RABGAP1: variants seen among roughly 807,000 people sequenced by gnomAD.
RABGAP1 encodes the protein RAB GTPase activating protein 1.
In RABGAP1, 23 loss-of-function variants were observed where a neutral mutation model predicts 137.6. The ratio of observed to expected loss-of-function variants is 0.17; its 90% CI spans 0.12 to 0.24. The LOEUF is 0.24. Ranked by LOEUF, RABGAP1 falls within the 10% of genes least tolerant of loss-of-function variation. The pLI, the probability that RABGAP1 is intolerant of heterozygous loss-of-function variation, is 1.00. For missense variants in RABGAP1, 906 were observed against 1,275.8 expected (o/e 0.71, Z 4.42); for synonymous variants, 451 against 450.7 (o/e 1.00, Z -0.01).
At chr9:122,947,711 A>G (rs998280515) in intron 1 of RABGAP1, among the ~76,000 whole-genome samples, 1 of 152,174 alleles carries the variant, frequency 6.6e-6, no homozygotes, top group African/African-American at 2.4e-5. Context: ...CTTGCCTTTA[A>G]GTGCAGGTAG....
At chr9:122,981,770 CG>C (rs1330540846) in intron 2 of RABGAP1, among the ~76,000 whole-genome samples, 2 of 152,076 alleles carry the variant, frequency 1.3e-5, no homozygotes, top group Non-Finnish European at 2.9e-5. Flanking sequence ...GTATGCAGGC[CG>C]GGTGTAGTGG....
At chr9:123,057,016 C>T (rs1160529052) in intron 13 of RABGAP1, among the ~76,000 whole-genome samples, 3 of 152,144 alleles carry the variant, frequency 2.0e-5, no homozygotes, top group Non-Finnish European at 2.9e-5. Flanking sequence ...CGGTGGTGGC[C>T]GGGCAGAGGG....
chr9:122,937,248 T>C (rs1833400266), upstream of RABGAP1, among the ~76,000 whole-genome samples: 1 of 152,210 alleles, frequency 6.6e-6, no homozygotes, highest in Admixed American at 6.5e-5. Flanking sequence ...GAAGCCAAGA[T>C]AGATGTCTGA....
At chr9:122,961,627 C>T (rs1306464887) in intron 2 of RABGAP1, among the ~76,000 whole-genome samples, 2 of 152,178 alleles carry the variant, frequency 1.3e-5, no homozygotes, top group Admixed American at 1.3e-4. Context: ...AGTAATAACA[C>T]TATAAATGCA....
intron 2 of RABGAP1, among the ~76,000 whole-genome samples, chr9:122,970,074 A>ATTTTTTT (rs34261698): frequency 6.3e-5 from 9 of 143,482 alleles, no homozygotes; most frequent in Non-Finnish European, 7.6e-5. Context: ...TATCCGGCTA[A>ATTTTTTT]TTTTTTTTTT....
chr9:123,058,202 C>G (rs1050888733), intron 13 of RABGAP1, among the ~76,000 whole-genome samples: 2 of 152,078 alleles, frequency 1.3e-5, no homozygotes, highest in African/African-American at 4.8e-5. Flanking sequence ...GCTGCATATC[C>G]CAAAGCTGGA....
intron 17 of RABGAP1, among the ~76,000 whole-genome samples, chr9:123,075,488 C>G (rs1232823469): frequency 2.6e-5 from 4 of 152,084 alleles, no homozygotes; most frequent in African/African-American, 9.7e-5. Flanking sequence ...TTCTAAGAAA[C>G]AGAAGAAATA....
intron 1 of RABGAP1, among the ~76,000 whole-genome samples, chr9:122,952,365 T>G (rs1360285101): frequency 6.6e-6 from 1 of 152,028 alleles, no homozygotes; most frequent in African/African-American, 2.4e-5. Context: ...TTCATGCCAT[T>G]CTTCTGCCTC....
intron 4 of RABGAP1, among the ~76,000 whole-genome samples, chr9:122,987,496 A>G (rs144798891): frequency 1.2e-4 from 18 of 152,110 alleles, no homozygotes; most frequent in Non-Finnish European, 2.1e-4. Context: ...ATAATTTACA[A>G]CTGTTAGAAT....
rs1185196137 is a variant in RABGAP1, at chr9:123,090,284, A to T, written c.2527A>T (p.Arg843Trp). The T allele has an allele frequency of 6.2e-7, 1 of 1,611,448 alleles. No homozygotes were observed. The highest frequency in any genetic ancestry group is 1.1e-5 in the South Asian group (1 of 90,144). Residue 843 changes from arginine (R) to tryptophan (W), a missense_variant, in exon 21 of 26, where the codon AGG becomes TGG. Transcript: ENST00000373647. ...DPIERFEREN[R>W]RLQEANMRLE... ...TCTTTCTACCCTTCAGCGGGAGAAT[A>T]GGCGTCTACAAGAAGCTAACATGAG... is the stretch of plus-strand genomic sequence containing the variant.
intron 19 of RABGAP1, 140 bp downstream of exon 19, chr9:123,076,902 AAAT>A: frequency 1.5e-5 from 7 of 466,566 alleles, no homozygotes; most frequent in African/African-American, 4.2e-5. Flanking sequence ...TATAATATAT[AAAT>A]AATATTAATG....
At chr9:123,055,436 T>C (rs2033651905) in intron 13 of RABGAP1, among the ~76,000 whole-genome samples, 1 of 152,126 alleles carries the variant, frequency 6.6e-6, no homozygotes, top group Non-Finnish European at 1.5e-5. Context: ...TTCACCGTGT[T>C]GCCCAGGCTG....
intron 2 of RABGAP1, among the ~76,000 whole-genome samples, chr9:122,972,156 T>C (rs1835503280): frequency 6.6e-6 from 1 of 152,186 alleles, no homozygotes; most frequent in Admixed American, 6.5e-5. Context: ...CTGCCCATTG[T>C]AGTGGCACAT....
chr9:123,001,899 G>A (rs938527132), intron 10 of RABGAP1, among the ~76,000 whole-genome samples: 8 of 152,138 alleles, frequency 5.3e-5, no homozygotes, highest in African/African-American at 1.9e-4. Flanking sequence ...AAAGCACTAA[G>A]TCATGAAATC....
In RABGAP1 at chr9:123,090,340, T is replaced by C. The variant is rs879599898; in HGVS notation, c.2583T>C (p.His861=). Residue 861 remains histidine, a synonymous_variant, in exon 21 of 26, where the codon CAT becomes CAC. Coordinates refer to ENST00000373647, the MANE Select transcript of RABGAP1 (RefSeq NM_012197.4). ...AACAGGAAAACGATGACTTAGCCCATGAGCTGGTGACCAGCAAGATTGCAC... is the reference window on the plus strand; with the variant it reads ...AACAGGAAAACGATGACTTAGCCCACGAGCTGGTGACCAGCAAGATTGCAC... ...RLEQENDDLA[H]ELVTSKIALR... is the part of the protein sequence containing the mutation. 4 of 1,613,482 alleles carry C rather than the reference T, an allele frequency of 2.5e-6. No homozygotes were observed. Among genetic ancestry groups the C allele is most frequent in the South Asian group, 2.2e-5 (2 of 90,754 alleles).
chr9:122,993,144 C>T (rs769283371), intron 6 of RABGAP1, among the ~76,000 whole-genome samples: 1 of 151,938 alleles, frequency 6.6e-6, no homozygotes, highest in African/African-American at 2.4e-5. Flanking sequence ...TTACTTATCC[C>T]CTGTCCAACT....
chr9:123,005,292 T>C (rs1048765955), intron 10 of RABGAP1, among the ~76,000 whole-genome samples: 1 of 151,670 alleles, frequency 6.6e-6, no homozygotes, highest in Non-Finnish European at 1.5e-5. Context: ...CTTGGGATTT[T>C]TTTTTTTCCT....
Position 122,942,163 on chromosome 9 carries a change from AAAAAC to A in RABGAP1, c.-50+1090_-50+1094del, listed in dbSNP as rs533478695. Among the ~76,000 whole-genome samples the A allele has an allele frequency of 5.2e-3, 796 of 152,354 alleles. 6 individuals carry two copies. The highest frequency in any genetic ancestry group is 0.014 in the Middle Eastern group (4 of 294). On this transcript the variant is annotated intron_variant, in intron 1 of 25. Transcript: ENST00000373647. ...TCCAGCTGTTTTTGTTTCGGAAACA[AAAAAC>A]AAAACAAAACAAAACAAAAAAACAA...
In RABGAP1 at chr9:123,015,642, T is replaced by A; in HGVS notation, c.1643+6T>A. The A allele has an allele frequency of 6.3e-7, 1 of 1,589,868 alleles. No individual in the cohort carries two copies. The highest frequency in any genetic ancestry group is 8.6e-7 in the Non-Finnish European group (1 of 1,160,042). Reference sequence around the variant, plus strand: ...GGAGAACTGTTGTCAAAATGGTAAGTTATGATAGAATAGTTTTTTTTATCT... The same window carrying A: ...GGAGAACTGTTGTCAAAATGGTAAGATATGATAGAATAGTTTTTTTTATCT... On this transcript the variant is annotated splice_donor_region_variant and intron_variant, in intron 12 of 25. Transcript: ENST00000373647.
Sources: allele counts gnomAD v4.1 joint callset (sites outside exome capture counted in the v4.1 genomes callset), GRCh38; gene constraint gnomAD v4.1.1; transcripts MANE v1.5; gene names NCBI Gene and HGNC (gene_info 2026-07-23, HGNC 2026-07-21).